The following VILL variants were observed in gnomAD, a reference collection of about 807,000 sequenced individuals.
VILL encodes villin like, also known as villin-like protein.
VILL carries 102 observed loss-of-function variants against 106.3 expected under a neutral mutation model. The ratio of observed to expected loss-of-function variants is 0.96; its 90% confidence interval spans 0.82 to 1.13. The LOEUF (loss-of-function observed/expected upper bound fraction) is 1.13. Ranked by LOEUF, VILL falls within the 50% of genes most tolerant of loss-of-function variation. The pLI is 0.00. For synonymous variants in VILL, 431 were observed against 440.3 expected (o/e 0.98, Z 0.27); for missense variants, 1,076 against 1,116.6 (o/e 0.96, Z 0.52).
chr3:37,994,198 C>T, intron 3 of VILL, 63 bp from the exon 4 acceptor site: 1 of 1,540,466 alleles, frequency 6.5e-7, no homozygotes, highest in Non-Finnish European at 8.7e-7. Context: ...GGTACATCCT[C>T]CCCTTCTCCA....
In VILL at chr3:37,998,203, T is replaced by C. The variant is rs945329054; in HGVS notation, c.843+35T>C. On this transcript the variant is annotated intron_variant, in intron 8 of 19. Coordinates refer to ENST00000383759, the MANE Select transcript of VILL (RefSeq NM_015873.4). This position sits in a 1 kb window ranked among gnomAD's most constrained non-coding sequence, Gnocchi z 4.1. ...GCCTGGCCCCAGCTACTTGCATCCT[T>C]CCCCATCCACAACCCCAGCCCAGTC... 18 of 1,613,612 alleles carry C rather than the reference T, an allele frequency of 1.1e-5. No individual in the cohort carries two copies. Among genetic ancestry groups the C allele is most frequent in the Non-Finnish European group, 1.1e-5 (13 of 1,179,822 alleles).
intron 19 of VILL, 98 bp downstream of exon 19, chr3:38,006,798 C>T: frequency 1.3e-6 from 2 of 1,535,702 alleles, no homozygotes; most frequent in Non-Finnish European, 1.8e-6. Flanking sequence ...GGCAACTGCC[C>T]CGGGAGATGT....
intron 19 of VILL, 53 bp from the exon 20 acceptor site, chr3:38,006,889 T>A (rs1228010148): frequency 1.3e-5 from 20 of 1,555,598 alleles, no homozygotes; most frequent in South Asian, 9.2e-5. Flanking sequence ...GGGGCAGGAT[T>A]CTGGGCTCAG....
At position 37,994,254 on chromosome 3, in the gene VILL, A is replaced by T; in HGVS notation, c.136-7A>T. 6.2e-7 allele frequency: 1 copy of T among 1,602,212 alleles called. No individual in the cohort carries two copies. Among genetic ancestry groups the T allele is most frequent in the Non-Finnish European group, 8.5e-7 (1 of 1,177,054 alleles). ...GCAACACATATACACAAACACCCGGACCCTAGGTCCCCCAGAGCCCGAAGG... is the reference window on the plus strand; with the variant it reads ...GCAACACATATACACAAACACCCGGTCCCTAGGTCCCCCAGAGCCCGAAGG... On this transcript the variant is annotated splice_polypyrimidine_tract_variant and splice_region_variant and intron_variant, in intron 3 of 19. Transcript: ENST00000383759.
In VILL at chr3:38,006,180, G is replaced by C; in HGVS notation, c.2134-1G>C. On this transcript the variant is annotated splice_acceptor_variant, in intron 17 of 19. Transcript: ENST00000383759. LOFTEE classifies it high-confidence loss of function. ...GATACTTGCCCCGATTCTTGCTCCA[G>C]AGCCACCCGTCCCACAAGGAAGTGG... 3 of 1,614,180 alleles carry C rather than the reference G, an allele frequency of 1.9e-6. No individual in the cohort carries two copies. Among genetic ancestry groups the C allele is most frequent in the Non-Finnish European group, 2.5e-6 (3 of 1,180,030 alleles).
chr3:38,005,750 G>A, intron 16 of VILL, 42 bp from the exon 17 acceptor site: 6 of 1,571,666 alleles, frequency 3.8e-6, no homozygotes, highest in Non-Finnish European at 5.2e-6. Flanking sequence ...GCTCTGGGCA[G>A]CCCCTCCACC....
chr3:37,989,257 A>G (rs1183470948), upstream of VILL, among the ~76,000 whole-genome samples: 1 of 151,298 alleles, frequency 6.6e-6, no homozygotes, highest in African/African-American at 2.4e-5. Flanking sequence ...GCCTGAGGCG[A>G]TGTTAAATGT....
rs1559655171 is a variant in VILL, at chr3:37,993,852, T to A, written c.61-46T>A. On this transcript the variant is annotated intron_variant, in intron 2 of 19. Coordinates refer to ENST00000383759, the MANE Select transcript of VILL (RefSeq NM_015873.4). ...TTCCACCCCACCCCAGCGGGTGTCA[T>A]GGGTAGAGGCCTCCTGAGTTGTTAC... The A allele has an allele frequency of 2.5e-6, 4 of 1,611,398 alleles. No individual in the cohort carries two copies. The South Asian group carries it at 4.4e-5, about 18-fold the overall frequency.
Position 37,993,439 on chromosome 3 carries a change from A to T in VILL, c.-86-148A>T, listed in dbSNP as rs1575333085. On this transcript the variant is annotated intron_variant, in intron 1 of 19. Transcript: ENST00000383759. ...TGTCTCGAAAAAACTGGAAAAAAAA[A>T]TTGTCAAGTGTTTATGCCTAATCTG... The T allele has an allele frequency of 1.1e-5, 6 of 534,646 alleles. No homozygotes were observed. The East Asian group carries it at 1.9e-4, about 17-fold the overall frequency. 33.1% of individuals were successfully genotyped at this position (534,646 alleles called of 1,614,324 possible). A position where few individuals can be genotyped will look rare whatever the true frequency, so the allele number is the denominator to read the frequency against.
chr3:37,993,879 G>A lies in VILL; in HGVS notation c.61-19G>A, dbSNP rs1699649170. 1 of 1,614,186 alleles carries A rather than the reference G, an allele frequency of 6.2e-7. No individual in the cohort carries two copies. The highest frequency in any genetic ancestry group is 8.5e-7 in the Non-Finnish European group (1 of 1,180,006). On this transcript the variant is annotated intron_variant, in intron 2 of 19. Transcript: ENST00000383759. ...GGTAGAGGCCTCCTGAGTTGTTACA[G>A]GGAACTCTCCTCTCCCAGAACCGGA...
At position 38,003,024 on chromosome 3, in the gene VILL, C is replaced by A. The variant is rs368983047; in HGVS notation, c.1660-144C>A. ...ACAGGCCTGTAGGGTGAGGAAGATG[C>A]CTTGTTCACTGGTGTCCTGCTGTCA... On this transcript the variant is annotated intron_variant, in intron 14 of 19. Transcript: ENST00000383759. The A allele has an allele frequency of 6.0e-5, 62 of 1,040,484 alleles. No individual in the cohort carries two copies. The African/African-American group carries it at 7.1e-4, about 12-fold the overall frequency. The allele number at this position is 1,040,484 out of a possible 1,614,324, so 64.5% of individuals were successfully genotyped here. A position where few individuals can be genotyped will look rare whatever the true frequency, so the allele number is the denominator to read the frequency against.
chr3:38,005,745 G>A (rs1699905931), intron 16 of VILL, 47 bp from the exon 17 acceptor site: 1 of 1,566,868 alleles, frequency 6.4e-7, no homozygotes, highest in African/African-American at 1.4e-5. Context: ...GGTCAGCTCT[G>A]GGCAGCCCCT....
In VILL at chr3:38,002,522, A is replaced by C. The variant is rs537017355; in HGVS notation, c.1606A>C (p.Ser536Arg). ...AGCCCGTGCCTCATCCCTCAACTCCAGTGACATCTTCTTGCTGGTCACAGC... is the reference window on the plus strand; with the variant it reads ...AGCCCGTGCCTCATCCCTCAACTCCCGTGACATCTTCTTGCTGGTCACAGC... ...VPARASSLNS[S>R]DIFLLVTASV... Residue 536 changes from serine (S) to arginine (R), a missense_variant, in exon 14 of 20, where the codon AGT (serine) becomes CGT (arginine). Transcript: ENST00000383759. The C allele has an allele frequency of 6.2e-7, 1 of 1,614,176 alleles. No homozygotes were observed. The highest frequency in any genetic ancestry group is 2.2e-5 in the East Asian group (1 of 44,890).
intron 16 of VILL, among the ~76,000 whole-genome samples, chr3:38,005,010 T>A (rs1672768156): frequency 6.6e-6 from 1 of 152,172 alleles, no homozygotes; most frequent in African/African-American, 2.4e-5. Context: ...CAAGTGCTGT[T>A]GTGTTTGCAT....
At chr3:37,997,000 G>A (rs376699774) in intron 5 of VILL, 77 bp from the exon 6 acceptor site, 86 of 1,323,956 alleles carry the variant, frequency 6.5e-5, no homozygotes, top group East Asian at 4.9e-4. Flanking sequence ...TCATGCACAC[G>A]TGACACATCC....
chr3:38,006,606 C>T lies in VILL; in HGVS notation c.2363C>T (p.Thr788Ile). The T allele has an allele frequency of 1.2e-6, 2 of 1,614,112 alleles. No individual in the cohort carries two copies. The highest frequency in any genetic ancestry group is 1.7e-4 in the Middle Eastern group (1 of 6,044). The part of the protein sequence containing the change: ...GSRTSSSVSS[T>I]SATINGGLRR... ...AGAACCAGCAGCTCCGTCAGCAGCA[C>T]CAGCGCCACGATCAACGGGGGCCTG... Residue 788 changes from threonine (T) to isoleucine (I), a missense_variant, in exon 19 of 20, where the codon ACC (threonine) becomes ATC (isoleucine). Physicochemically the swap from Thr to Ile is moderately conservative, Grantham distance 89. Coordinates refer to ENST00000383759, the MANE Select transcript of VILL (RefSeq NM_015873.4).
chr3:38,004,335 T>A lies in VILL; in HGVS notation c.1886T>A (p.Val629Glu). The change falls in exon 16 of 20, where the codon GTG becomes GAG. Residue 629 changes from valine (V) to glutamate (E), a missense_variant. By Grantham distance (121) the Val-to-Glu change is moderately radical. Coordinates refer to ENST00000383759, the MANE Select transcript of VILL (RefSeq NM_015873.4). ...ATGGGCTGCCTGGTCCTCGCAGAAG[T>A]GGGGTTCTTCAGCCAGGAGGACCTG... ...SHMGCLVLAE[V>E]GFFSQEDLDK... 4 of 1,613,728 alleles carry A rather than the reference T, an allele frequency of 2.5e-6. No homozygotes were observed. The highest frequency in any genetic ancestry group is 2.5e-6 in the Non-Finnish European group (3 of 1,179,642).
intron 11 of VILL, chr3:38,000,999 A>T (rs1699803339): frequency 8.7e-6 from 4 of 459,214 alleles, no homozygotes; most frequent in Non-Finnish European, 1.7e-5. Context: ...ACACTGACAG[A>T]TGTGAGACAG....
rs1559656203 is a variant in VILL at position 37,997,049 on chromosome 3, ACT to A, written c.451-25_451-24del. ...CTCTAGCGGATGCTGGTGGTATGACACTCTGTCTCTCTCCCTGGCTCTGGCAG... is the reference window on the plus strand; with the variant it reads ...CTCTAGCGGATGCTGGTGGTATGACACTGTCTCTCTCCCTGGCTCTGGCAG... On this transcript the variant is annotated intron_variant, in intron 5 of 19. Transcript: ENST00000383759. The surrounding 1 kb of genome is among the most constrained non-coding windows in gnomAD (Gnocchi z 4.7). The A allele has an allele frequency of 1.2e-6, 2 of 1,602,856 alleles. No homozygotes were observed. Among genetic ancestry groups the A allele is most frequent in the African/African-American group, 1.3e-5 (1 of 74,756 alleles).
Sources: allele counts gnomAD v4.1 joint callset (sites outside exome capture counted in the v4.1 genomes callset), GRCh38; gene constraint gnomAD v4.1.1; non-coding constraint Gnocchi (gnomAD v3.1); transcripts MANE v1.5; gene names NCBI Gene and HGNC (gene_info 2026-07-23, HGNC 2026-07-21).